DCBLD2: variants seen among roughly 807,000 people sequenced by gnomAD.
The protein encoded by DCBLD2 is discoidin, CUB and LCCL domain containing 2.
Under a neutral mutation model 86.8 loss-of-function variants are expected in DCBLD2, and 54 were observed. The ratio of observed to expected loss-of-function variants is 0.62; its 90% CI spans 0.50 to 0.78. DCBLD2 has a LOEUF of 0.78. Ranked by LOEUF, DCBLD2 falls within the 30% of genes least tolerant of loss-of-function variation. The probability of loss-of-function intolerance (pLI) is 0.00; values close to 1 mark genes in which losing one functional copy is unlikely to be tolerated. For synonymous variants in DCBLD2, 354 were observed against 341.3 expected (o/e 1.04, Z -0.41); for missense variants, 908 against 954.2 (o/e 0.95, Z 0.64).
chr3:98,898,759 C>T (rs1440007297), intron 1 of DCBLD2, among the ~76,000 whole-genome samples: 1 of 152,094 alleles, frequency 6.6e-6, no homozygotes, highest in Non-Finnish European at 1.5e-5. Context: ...AGGAATTCCA[C>T]CACGGGCTGC....
rs539052790 is a variant in DCBLD2, at chr3:98,864,335, C to G, written c.434-14737G>C. Among the ~76,000 whole-genome samples the G allele has an allele frequency of 1.2e-4, 18 of 152,278 alleles. 1 individual carries two copies. The highest frequency in any genetic ancestry group is 4.3e-4 in the African/African-American group (18 of 41,540). On this transcript the variant is annotated intron_variant, in intron 2 of 15. Coordinates refer to ENST00000326840, the MANE Select transcript of DCBLD2 (RefSeq NM_080927.4). ...TCTAGAACTTAAAATACCATTTGAT[C>G]CAGCCATCCCATTACTGGGTATATA...
rs963469483 is a variant in DCBLD2 at position 98,797,902 on chromosome 3, A to G, written c.*1470T>C. ...ACTGTTCAACATTAAATCTACAAAC[A>G]AAGGTTTATGGAAGAGGGAATGTCA... is the stretch of plus-strand genomic sequence containing the variant. On this transcript the variant is annotated 3_prime_UTR_variant, in exon 16 of 16. Transcript: ENST00000326840. 3 of 152,218 alleles carry G rather than the reference A, an allele frequency of 2.0e-5. No homozygotes were observed. Among genetic ancestry groups the G allele is most frequent in the African/African-American group, 7.2e-5 (3 of 41,454 alleles). The allele number at this position is 152,218 out of a possible 1,614,324, so 9.4% of individuals were successfully genotyped here. A position where few individuals can be genotyped will look rare whatever the true frequency, so the allele number is the denominator to read the frequency against.
At position 98,821,128 on chromosome 3, in the gene DCBLD2, A is replaced by G. The variant is rs575120251; in HGVS notation, c.831-840T>C. The G allele has an allele frequency of 2.0e-5, 3 of 152,344 alleles. No homozygotes were observed. The South Asian group carries it at 6.2e-4, about 32-fold the overall frequency. The allele number at this position is 152,344 out of a possible 1,614,324, so 9.4% of individuals were successfully genotyped here. ...CAAAAAAAGAATAAGCTGCAGCGAC[A>G]TGTGGCCTGTAAAGCCTAAAATATT... On this transcript the variant is annotated intron_variant, in intron 6 of 15. Coordinates refer to ENST00000326840, the MANE Select transcript of DCBLD2 (RefSeq NM_080927.4).
chr3:98,799,751 G>A lies in DCBLD2; in HGVS notation c.1949C>T (p.Ala650Val), dbSNP rs758979194. The A allele has an allele frequency of 1.9e-6, 3 of 1,613,962 alleles. No homozygotes were observed. In the Admixed American group the frequency reaches 5.0e-5, roughly 27 times the overall value. The change falls in exon 16 of 16, where the codon GCA (alanine) becomes GTA (valine). Residue 650 changes from alanine to valine, a missense_variant. Physicochemically the swap from Ala to Val is moderately conservative, Grantham distance 64. Coordinates refer to ENST00000326840, the MANE Select transcript of DCBLD2 (RefSeq NM_080927.4). Reference sequence around the variant, plus strand: ...TGGTGAGTTGTAAGGATCTAGGTCTGCATAGCCTGCTTCTTTTCCTTCTTC... The same window carrying A: ...TGGTGAGTTGTAAGGATCTAGGTCTACATAGCCTGCTTCTTTTCCTTCTTC... ...KPEEGKEAGY[A>V]DLDPYNSPGQ... is the part of the protein sequence containing the mutation.
chr3:98,838,907 G>C (rs1202517929), intron 3 of DCBLD2, among the ~76,000 whole-genome samples: 1 of 151,652 alleles, frequency 6.6e-6, no homozygotes, highest in Non-Finnish European at 1.5e-5. Flanking sequence ...GTGGCGGCGC[G>C]TGCCTGCAAT....
intron 2 of DCBLD2, among the ~76,000 whole-genome samples, chr3:98,859,067 C>G (rs540918556): frequency 1.3e-5 from 2 of 152,312 alleles, no homozygotes; most frequent in East Asian, 1.9e-4. Flanking sequence ...AAACGGCACA[C>G]CAGGAGATTA....
intron 2 of DCBLD2, among the ~76,000 whole-genome samples, chr3:98,852,440 T>C (rs1307255324): frequency 6.6e-6 from 1 of 151,952 alleles, no homozygotes; most frequent in Non-Finnish European, 1.5e-5. Flanking sequence ...AGAGACAGGG[T>C]TTCACCGTAT....
chr3:98,865,153 C>T (rs1174567518), intron 2 of DCBLD2, among the ~76,000 whole-genome samples: 24 of 152,044 alleles, frequency 1.6e-4, no homozygotes, highest in Admixed American at 1.6e-3. Flanking sequence ...TGAAAAGATA[C>T]CTACACTCCC....
At chr3:98,839,225 T>TTCTC (rs371373216) in intron 3 of DCBLD2, among the ~76,000 whole-genome samples, 3 of 149,884 alleles carry the variant, frequency 2.0e-5, no homozygotes, top group Non-Finnish European at 4.4e-5. Context: ...CCTTCTTTCC[T>TTCTC]TCTCTCTCTC....
chr3:98,801,093 G>T (rs142523483), intron 14 of DCBLD2, among the ~76,000 whole-genome samples: 1 of 152,178 alleles, frequency 6.6e-6, no homozygotes, highest in Non-Finnish European at 1.5e-5. Flanking sequence ...CCTAAGAGCT[G>T]ATCCAGTAGT....
intron 2 of DCBLD2, among the ~76,000 whole-genome samples, chr3:98,879,824 A>G (rs1943435179): frequency 6.6e-6 from 1 of 152,056 alleles, no homozygotes; most frequent in African/African-American, 2.4e-5. Flanking sequence ...AGAATTTCTC[A>G]TATCCTTAAT....
chr3:98,836,636 G>A (rs1330925231), intron 3 of DCBLD2, among the ~76,000 whole-genome samples: 40 of 134,476 alleles, frequency 3.0e-4, no homozygotes, highest in South Asian at 4.7e-4. Context: ...GCGGCTGGCC[G>A]GGCAGAGGGG....
chr3:98,898,284 T>C (rs527916740), intron 1 of DCBLD2, among the ~76,000 whole-genome samples: 8 of 151,812 alleles, frequency 5.3e-5, no homozygotes, highest in Non-Finnish European at 1.0e-4. Context: ...AGAAAATCTA[T>C]TGAGGAATAG....
chr3:98,900,960 A>C (rs1448254812), intron 1 of DCBLD2, 162 bp downstream of exon 1: 1 of 1,266,818 alleles, frequency 7.9e-7, no homozygotes, highest in Non-Finnish European at 1.1e-6. Context: ...GACGGGCAAG[A>C]CCTTGCCTTT....
rs1173706251 is a variant in DCBLD2 at position 98,797,103 on chromosome 3, A to T, written c.*2269T>A. On this transcript the variant is annotated 3_prime_UTR_variant, in exon 16 of 16. Transcript: ENST00000326840. ...ACCAATGAACTAAAAAGAAGTATAA[A>T]GCAGAAAAACCATTTGAATCAGGCT... is the stretch of plus-strand genomic sequence containing the variant. The T allele has an allele frequency of 1.3e-5, 2 of 152,114 alleles. No individual in the cohort carries two copies. Among genetic ancestry groups the T allele is most frequent in the Non-Finnish European group, 2.9e-5 (2 of 67,904 alleles). The allele number at this position is 152,114 out of a possible 1,614,324, so 9.4% of individuals were successfully genotyped here.
At chr3:98,850,407 T>C (rs1942814883) in intron 2 of DCBLD2, among the ~76,000 whole-genome samples, 1 of 152,202 alleles carries the variant, frequency 6.6e-6, no homozygotes, top group Admixed American at 6.5e-5. Context: ...TTGGGCCGCA[T>C]TCAAAGCTGT....
At chr3:98,882,219 G>A (rs1943483944) in intron 1 of DCBLD2, among the ~76,000 whole-genome samples, 1 of 152,050 alleles carries the variant, frequency 6.6e-6, no homozygotes. Context: ...TAAGTTCAAG[G>A]AGATTTCAAT....
chr3:98,827,264 C>T (rs1236938106), intron 3 of DCBLD2, among the ~76,000 whole-genome samples: 5 of 152,130 alleles, frequency 3.3e-5, no homozygotes, highest in Non-Finnish European at 5.9e-5. Context: ...TCAATCTTTG[C>T]CCAGCATCAA....
intron 1 of DCBLD2, chr3:98,895,514 T>A (rs947583172): frequency 1.3e-5 from 2 of 152,202 alleles, no homozygotes; most frequent in Non-Finnish European, 2.9e-5. Flanking sequence ...AATCTTATGA[T>A]CTTACTCTTC....
Sources: allele counts gnomAD v4.1 joint callset (sites outside exome capture counted in the v4.1 genomes callset), GRCh38; gene constraint gnomAD v4.1.1; transcripts MANE v1.5; gene names NCBI Gene and HGNC (gene_info 2026-07-23, HGNC 2026-07-21).